Variants in ABLIM1 observed in about 807,000 individuals in gnomAD.
The protein encoded by ABLIM1 is actin-binding LIM protein 1.
A neutral mutation model predicts 107.0 loss-of-function variants in ABLIM1; 40 were observed. That is an observed-to-expected ratio of 0.37 (90% confidence interval 0.29 to 0.49). ABLIM1 has a LOEUF of 0.49. ABLIM1 is among the 20% of genes least tolerant of loss of function. The pLI is 0.97. For synonymous variants in ABLIM1, 357 were observed against 357.3 expected (o/e 1.00, Z 0.01); for missense variants, 857 against 1,008.5 (o/e 0.85, Z 2.04).
chr10:114,601,951 AG>A lies in ABLIM1; in HGVS notation c.254del (p.Pro85LeufsTer55). The A allele has an allele frequency of 6.2e-7, 1 of 1,613,998 alleles. No homozygotes were observed. The highest frequency in any genetic ancestry group is 8.5e-7 in the Non-Finnish European group (1 of 1,179,876). On this transcript the variant is annotated frameshift_variant, in exon 2 of 23. Coordinates refer to ENST00000533213, the MANE Select transcript of ABLIM1 (RefSeq NM_002313.7). LOFTEE classifies it high-confidence loss of function. ...CNSVDPFVAH[P>X]QDPHHPSEKP... is the part of the protein sequence containing the mutation. ...TCTCTGATGGGTGGTGAGGGTCCTGAGGGTGGGCCACTGAAAGAAAATCAAC... is the reference window on the plus strand; with the variant it reads ...TCTCTGATGGGTGGTGAGGGTCCTGAGGTGGGCCACTGAAAGAAAATCAAC...
intron 2 of ABLIM1, among the ~76,000 whole-genome samples, chr10:114,597,947 T>A (rs1017122512): frequency 6.6e-6 from 1 of 152,184 alleles, no homozygotes; most frequent in African/African-American, 2.4e-5. Flanking sequence ...CAGTAGCCAC[T>A]AACCACATGT....
At chr10:114,771,025 T>C (rs913772036), upstream of ABLIM1, among the ~76,000 whole-genome samples, 31 of 152,108 alleles carry the variant, frequency 2.0e-4, no homozygotes, top group African/African-American at 7.5e-4. Context: ...GAGACGGGGT[T>C]TTACCATGTT....
intron 1 of ABLIM1, among the ~76,000 whole-genome samples, chr10:114,741,216 CT>C (rs751287379): frequency 4.0e-3 from 240 of 59,876 alleles, no homozygotes; most frequent in African/African-American, 0.011. Flanking sequence ...GACTATTCTT[CT>C]TTTTTTTTTT....
intron 1 of ABLIM1, among the ~76,000 whole-genome samples, chr10:114,676,531 G>C (rs992483857): frequency 6.6e-6 from 1 of 152,046 alleles, no homozygotes; most frequent in African/African-American, 2.4e-5. Context: ...AGAACAATCA[G>C]TAACCATGAG....
chr10:114,774,981 T>C, the ABLIM1 span, among the ~76,000 whole-genome samples: 1 of 152,154 alleles, frequency 6.6e-6, no homozygotes, highest in African/African-American at 2.4e-5. Flanking sequence ...CGATACTACC[T>C]GAGTCTGGGT....
intron 12 of ABLIM1, among the ~76,000 whole-genome samples, chr10:114,459,228 C>G (rs2063393254): frequency 6.6e-6 from 1 of 152,208 alleles, no homozygotes; most frequent in African/African-American, 2.4e-5. Context: ...AAGCTCCCAG[C>G]TCACATCCAT....
intron 1 of ABLIM1, among the ~76,000 whole-genome samples, chr10:114,717,928 G>T (rs552168200): frequency 6.9e-6 from 1 of 144,410 alleles, no homozygotes; most frequent in Non-Finnish European, 1.5e-5. Flanking sequence ...AGGAGAGAAG[G>T]GGGGGAAGGG....
At chr10:114,635,733 G>C (rs541027964) in intron 1 of ABLIM1, among the ~76,000 whole-genome samples, 2 of 152,318 alleles carry the variant, frequency 1.3e-5, no homozygotes, top group East Asian at 3.9e-4. Context: ...CGTTGGCCAG[G>C]CTGGTTTCGA....
intron 6 of ABLIM1, among the ~76,000 whole-genome samples, chr10:114,520,686 G>C (rs147695257): frequency 6.6e-6 from 1 of 152,090 alleles, no homozygotes; most frequent in South Asian, 2.1e-4. Flanking sequence ...GAAAAATGAC[G>C]TAGGCTGGGT....
chr10:114,724,372 A>G (rs2081913832), intron 1 of ABLIM1, among the ~76,000 whole-genome samples: 1 of 152,196 alleles, frequency 6.6e-6, no homozygotes, highest in African/African-American at 2.4e-5. Flanking sequence ...CTCTCAAATG[A>G]GAGCTATCCT....
rs1347498391 is a variant in ABLIM1 at position 114,491,008 on chromosome 10, G to GTATA, written c.982+782_982+783insTATA. The stretch of plus-strand genomic sequence containing the variant: ...TGTGTGTGTGTGTGTGTGTGTGTGT[G>GTATA]TGTGTATATATATATATGGTCTATT... On this transcript the variant is annotated intron_variant, in intron 7 of 22. Coordinates refer to ENST00000533213, the MANE Select transcript of ABLIM1 (RefSeq NM_002313.7). Among the ~76,000 whole-genome samples, 335 of 86,486 alleles carry GTATA rather than the reference G, an allele frequency of 3.9e-3. 1 individual carries two copies. The highest frequency in any genetic ancestry group is 6.0e-3 in the Non-Finnish European group (284 of 47,444). The allele number at this position is 86,486 out of a possible 152,430, so 56.7% of individuals were successfully genotyped here.
the ABLIM1 span, among the ~76,000 whole-genome samples, chr10:114,785,669 A>C: frequency 6.6e-6 from 1 of 152,194 alleles, no homozygotes; most frequent in Non-Finnish European, 1.5e-5. Context: ...TTATATTATT[A>C]TAATAGTTTT....
intron 6 of ABLIM1, among the ~76,000 whole-genome samples, chr10:114,495,662 G>C (rs2059573220): frequency 6.6e-6 from 1 of 152,140 alleles, no homozygotes; most frequent in Admixed American, 6.5e-5. Context: ...GGTAGTGCTG[G>C]TGATGATACT....
intron 1 of ABLIM1, among the ~76,000 whole-genome samples, chr10:114,718,030 G>GGAAA (rs1174396586): frequency 1.2e-5 from 1 of 81,978 alleles, no homozygotes; most frequent in African/African-American, 5.0e-5. Context: ...AAGGAAGGAA[G>GGAAA]GAGAAAGAGA....
chr10:114,733,095 G>A (rs1189637648), intron 1 of ABLIM1, among the ~76,000 whole-genome samples: 3 of 152,144 alleles, frequency 2.0e-5, no homozygotes, highest in Non-Finnish European at 4.4e-5. Context: ...TACAGAATTT[G>A]GACTTTGCTC....
At chr10:114,788,589 G>T in the ABLIM1 span, among the ~76,000 whole-genome samples, 1 of 152,006 alleles carries the variant, frequency 6.6e-6, no homozygotes, top group Admixed American at 6.6e-5. Context: ...TTAGCTGGGC[G>T]TGGTGGCGTG....
At chr10:114,716,444 C>CACACACA (rs1555227434) in intron 1 of ABLIM1, among the ~76,000 whole-genome samples, 2 of 148,370 alleles carry the variant, frequency 1.3e-5, no homozygotes, top group African/African-American at 5.0e-5. Flanking sequence ...CACACACACA[C>CACACACA]CCCTCCCCAC....
At chr10:114,503,944 G>A (rs74611757) in intron 6 of ABLIM1, among the ~76,000 whole-genome samples, 16,950 of 152,112 alleles carry the variant, frequency 0.11, 1,007 homozygotes, top group African/African-American at 0.17. Flanking sequence ...GATGGCATGC[G>A]AATAACCTCC....
At chr10:114,568,317 T>C (rs1007185056) in intron 4 of ABLIM1, among the ~76,000 whole-genome samples, 1 of 151,284 alleles carries the variant, frequency 6.6e-6, no homozygotes, top group Non-Finnish European at 1.5e-5. Context: ...GGTTGACAGG[T>C]GCAGCAAACC....
Sources: gnomAD v4.1 joint callset for allele counts (sites outside exome capture counted in the v4.1 genomes callset) on GRCh38, gnomAD v4.1.1 for gene constraint, MANE v1.5 for transcripts, NCBI Gene and HGNC (gene_info 2026-07-23, HGNC 2026-07-21) for gene names.